LIMS1: variants seen among roughly 807,000 people sequenced by gnomAD.
LIMS1 encodes the protein LIM and senescent cell antigen-like-containing domain protein 1.
A neutral mutation model predicts 44.1 loss-of-function variants in LIMS1; 18 were observed. The observed-to-expected ratio is 0.41, with a 90% CI of 0.28 to 0.61. The LOEUF is 0.61. Ranked by LOEUF, LIMS1 falls within the 20% of genes least tolerant of loss-of-function variation. The probability of loss-of-function intolerance (pLI) is 0.32; values close to 1 mark genes in which losing one functional copy is unlikely to be tolerated. For missense variants in LIMS1, 201 were observed against 422.0 expected (o/e 0.48, Z 4.59); for synonymous variants, 93 against 149.1 (o/e 0.62, Z 2.74).
At chr2:108,600,100 AGT>A (rs1686926679) in intron 1 of LIMS1, among the ~76,000 whole-genome samples, 1 of 150,780 alleles carries the variant, frequency 6.6e-6, no homozygotes, top group Admixed American at 6.6e-5. Context: ...CCAAGGCTGG[AGT>A]GCTGTGACGC....
chr2:108,668,560 A>G (rs1231668466), intron 2 of LIMS1, among the ~76,000 whole-genome samples: 1 of 152,118 alleles, frequency 6.6e-6, no homozygotes, highest in Non-Finnish European at 1.5e-5. Flanking sequence ...TTTTATGGCC[A>G]AAGAGTACTC....
intron 2 of LIMS1, among the ~76,000 whole-genome samples, chr2:108,665,489 G>T (rs1388444631): frequency 6.6e-5 from 10 of 152,082 alleles, no homozygotes; most frequent in Non-Finnish European, 1.3e-4. Flanking sequence ...GTAGGCAGTA[G>T]TTACAACAGC....
intron 1 of LIMS1, among the ~76,000 whole-genome samples, chr2:108,596,993 C>A (rs1686738505): frequency 8.0e-6 from 1 of 125,148 alleles, no homozygotes; most frequent in Non-Finnish European, 1.6e-5. Flanking sequence ...ACTGCAACTT[C>A]TGCCTCCTGG....
chr2:108,629,550 C>T (rs1429777268), intron 1 of LIMS1, among the ~76,000 whole-genome samples: 1 of 152,184 alleles, frequency 6.6e-6, no homozygotes, highest in Non-Finnish European at 1.5e-5. Flanking sequence ...CCATTTGAGA[C>T]TCTCAGAAAA....
At chr2:108,616,270 A>G (rs1573457397) in intron 1 of LIMS1, among the ~76,000 whole-genome samples, 1 of 133,608 alleles carries the variant, frequency 7.5e-6, no homozygotes, top group Non-Finnish European at 1.5e-5. Flanking sequence ...CAGTGGTGTG[A>G]CCATAGCTCA....
At chr2:108,559,543 A>G (rs1685042251) in intron 1 of LIMS1, among the ~76,000 whole-genome samples, 1 of 152,184 alleles carries the variant, frequency 6.6e-6, no homozygotes, top group East Asian at 1.9e-4. Flanking sequence ...CTAGGTTTAT[A>G]TTAGAAACTA....
chr2:108,620,381 G>A (rs1220445416), intron 1 of LIMS1, among the ~76,000 whole-genome samples: 1 of 152,148 alleles, frequency 6.6e-6, no homozygotes, highest in East Asian at 1.9e-4. Flanking sequence ...AGATCTTGCT[G>A]GGAGGTAGCC....
exon 1 of LIMS1, chr2:108,534,547 G>A (rs1684048739): frequency 8.3e-7 from 1 of 1,207,386 alleles, no homozygotes; most frequent in Non-Finnish European, 1.0e-6. Context: ...AGACGGCGGC[G>A]GCCGAAAGCG....
At chr2:108,588,342 G>C in intron 1 of LIMS1, 1 of 985,312 alleles carries the variant, frequency 1.0e-6, no homozygotes, top group South Asian at 4.7e-5. Flanking sequence ...AAGCTAAGAT[G>C]AGGAAGTTCT....
intron 1 of LIMS1, among the ~76,000 whole-genome samples, chr2:108,596,069 G>A (rs1686667530): frequency 1.3e-5 from 2 of 152,226 alleles, no homozygotes; most frequent in Non-Finnish European, 2.9e-5. Flanking sequence ...CTAAAAGGAT[G>A]TGTGTCAGGG....
At chr2:108,647,065 T>G (rs1370023028) in intron 1 of LIMS1, among the ~76,000 whole-genome samples, 1 of 151,902 alleles carries the variant, frequency 6.6e-6, no homozygotes, top group African/African-American at 2.4e-5. Flanking sequence ...GATAGACCAC[T>G]AGTGAGAATA....
intron 1 of LIMS1, among the ~76,000 whole-genome samples, chr2:108,557,570 G>A (rs1684967862): frequency 6.6e-6 from 1 of 151,378 alleles, no homozygotes; most frequent in African/African-American, 2.4e-5. Flanking sequence ...TGGCTAGAGT[G>A]CAGTGGCACA....
At chr2:108,684,034 A>C in exon 10 of LIMS1, 1 of 1,100,860 alleles carries the variant, frequency 9.1e-7, no homozygotes, top group Admixed American at 2.1e-5. Flanking sequence ...GCAAGATAAG[A>C]GATTACCAAC....
chr2:108,648,420 G>T (rs1690224092), intron 1 of LIMS1, among the ~76,000 whole-genome samples: 1 of 152,096 alleles, frequency 6.6e-6, no homozygotes, highest in Non-Finnish European at 1.5e-5. Context: ...TCCCCATCAA[G>T]CTACTATTGA....
At chr2:108,620,514 C>T (rs1688176320) in intron 1 of LIMS1, among the ~76,000 whole-genome samples, 2 of 152,212 alleles carry the variant, frequency 1.3e-5, no homozygotes, top group South Asian at 4.2e-4. Context: ...CAAACCTGTC[C>T]TCTGTTGTAC....
At chr2:108,673,410 G>GTC (rs1024189490) in intron 5 of LIMS1, 12 of 305,012 alleles carry the variant, frequency 3.9e-5, no homozygotes, top group Non-Finnish European at 7.5e-5. Flanking sequence ...TTGAGACAGG[G>GTC]TCTCTCTCGC....
At chr2:108,565,868 C>T (rs984122534) in intron 1 of LIMS1, among the ~76,000 whole-genome samples, 4 of 152,276 alleles carry the variant, frequency 2.6e-5, no homozygotes, top group East Asian at 1.9e-4. Context: ...GACAAAAGGA[C>T]GTGGAAGTTC....
At chr2:108,588,507 A>G (rs1356157883) in intron 1 of LIMS1, 6 of 985,576 alleles carry the variant, frequency 6.1e-6, no homozygotes, top group African/African-American at 3.5e-5. Flanking sequence ...TGGCTCAGGT[A>G]GAGTGCGTAG....
intron 1 of LIMS1, among the ~76,000 whole-genome samples, chr2:108,550,532 A>G (rs1684647471): frequency 7.2e-6 from 1 of 138,256 alleles, no homozygotes; most frequent in African/African-American, 2.7e-5. Flanking sequence ...TAAATAAATA[A>G]AGCCCAGGCA....
Sources: allele counts gnomAD v4.1 joint callset (sites outside exome capture counted in the v4.1 genomes callset), GRCh38; gene constraint gnomAD v4.1.1; transcripts MANE v1.5; gene names NCBI Gene and HGNC (gene_info 2026-07-23, HGNC 2026-07-21).